PRKN: variants seen among roughly 807,000 people sequenced by gnomAD.
PRKN encodes E3 ubiquitin-protein ligase parkin.
In PRKN, 56 loss-of-function variants were observed where a neutral mutation model predicts 59.5. The observed-to-expected ratio is 0.94, with a 90% CI of 0.76 to 1.18. The LOEUF (loss-of-function observed/expected upper bound fraction) is 1.18. Ranked by LOEUF, PRKN falls within the 50% of genes most tolerant of loss-of-function variation. The pLI, the probability that PRKN is intolerant of heterozygous loss-of-function variation, is 0.00. For missense variants in PRKN, 657 were observed against 596.4 expected (o/e 1.10, Z -1.06); for synonymous variants, 250 against 222.1 (o/e 1.13, Z -1.12).
At chr6:162,522,752 T>C (rs1296994241) in intron 1 of PRKN, among the ~76,000 whole-genome samples, 2 of 149,328 alleles carry the variant, frequency 1.3e-5, no homozygotes, top group African/African-American at 5.0e-5. Context: ...TGTTACACAA[T>C]AAATAGTCCT....
At chr6:162,627,236 T>C (rs976437952) in intron 1 of PRKN, among the ~76,000 whole-genome samples, 9 of 152,290 alleles carry the variant, frequency 5.9e-5, no homozygotes, top group Non-Finnish European at 7.4e-5. Flanking sequence ...GAATCTACCA[T>C]ACATAATAGT....
At chr6:162,023,387 T>A (rs1043948815) in intron 5 of PRKN, among the ~76,000 whole-genome samples, 2 of 152,142 alleles carry the variant, frequency 1.3e-5, no homozygotes, top group African/African-American at 4.8e-5. Flanking sequence ...GTGCAAAGTT[T>A]TACTGAGTGG....
At chr6:161,804,526 G>C (rs948646619) in intron 6 of PRKN, among the ~76,000 whole-genome samples, 1 of 152,174 alleles carries the variant, frequency 6.6e-6, no homozygotes, top group Non-Finnish European at 1.5e-5. Flanking sequence ...CCCTCCACTG[G>C]TGAGGTTGGA....
chr6:162,390,263 TAATC>T (rs1490676676), intron 2 of PRKN, among the ~76,000 whole-genome samples: 2 of 151,682 alleles, frequency 1.3e-5, no homozygotes, highest in Admixed American at 1.3e-4. Context: ...AAAATAATAA[TAATC>T]AGTTTGTACC....
intron 7 of PRKN, among the ~76,000 whole-genome samples, chr6:161,771,894 CATT>C: frequency 6.6e-6 from 1 of 152,272 alleles, no homozygotes; most frequent in Middle Eastern, 3.4e-3. Context: ...CCTCTAAGCA[CATT>C]ATTAATTATT....
At chr6:162,613,107 A>C (rs539976172) in intron 1 of PRKN, among the ~76,000 whole-genome samples, 1 of 152,318 alleles carries the variant, frequency 6.6e-6, no homozygotes, top group Non-Finnish European at 1.5e-5. Flanking sequence ...AATAAAATGC[A>C]ATTTAGAAAT....
At chr6:161,936,439 G>C (rs550509971) in intron 6 of PRKN, among the ~76,000 whole-genome samples, 1 of 152,182 alleles carries the variant, frequency 6.6e-6, no homozygotes, top group South Asian at 2.1e-4. Context: ...TCCATCTCCT[G>C]ACCTCGTGAT....
rs567195982 is a variant in PRKN at position 161,719,044 on chromosome 6, T to C, written c.871+66728A>G. On this transcript the variant is annotated intron_variant, in intron 7 of 11. Coordinates refer to ENST00000366898, the MANE Select transcript of PRKN (RefSeq NM_004562.3). ...TACAAAGACTTTCTTATTTGCTCGC[T>C]GTTTAATTACTCAGCTTTTAAATGT... Among the ~76,000 whole-genome samples, 6 of 152,324 alleles carry C rather than the reference T, an allele frequency of 3.9e-5. No individual in the cohort carries two copies. The East Asian group carries it at 1.2e-3, about 29-fold the overall frequency.
intron 4 of PRKN, among the ~76,000 whole-genome samples, chr6:162,077,536 C>G (rs556893706): frequency 6.6e-6 from 1 of 151,992 alleles, no homozygotes; most frequent in African/African-American, 2.4e-5. Context: ...TGGAGGAGGT[C>G]TCTTATAAAT....
intron 7 of PRKN, among the ~76,000 whole-genome samples, chr6:161,764,502 T>C (rs938140873): frequency 6.6e-6 from 1 of 152,224 alleles, no homozygotes; most frequent in African/African-American, 2.4e-5. Context: ...CAGTTCCATA[T>C]ATTTCTCAAA....
At chr6:161,678,514 C>T (rs547965395) in intron 7 of PRKN, among the ~76,000 whole-genome samples, 2 of 150,262 alleles carry the variant, frequency 1.3e-5, no homozygotes, top group African/African-American at 4.9e-5. Flanking sequence ...TATATCAATT[C>T]TGGCATTTAT....
intron 4 of PRKN, among the ~76,000 whole-genome samples, chr6:162,196,332 T>A (rs1784497546): frequency 6.6e-6 from 1 of 152,208 alleles, no homozygotes; most frequent in African/African-American, 2.4e-5. Flanking sequence ...AAATTGGTGC[T>A]AGGGAAATAT....
intron 2 of PRKN, among the ~76,000 whole-genome samples, chr6:162,324,506 T>C (rs73783502): frequency 0.011 from 1,724 of 152,198 alleles, 36 homozygotes; most frequent in African/African-American, 0.039. Context: ...GTAAAGTAAA[T>C]GCATTAGAAT....
At chr6:161,728,613 A>G (rs1453052250) in intron 7 of PRKN, among the ~76,000 whole-genome samples, 1 of 152,282 alleles carries the variant, frequency 6.6e-6, no homozygotes, top group East Asian at 1.9e-4. Context: ...CAAACACAGG[A>G]AAAAAAGGAG....
intron 2 of PRKN, among the ~76,000 whole-genome samples, chr6:162,433,320 C>T: frequency 6.6e-6 from 1 of 152,108 alleles, no homozygotes; most frequent in East Asian, 1.9e-4. Flanking sequence ...ACTTGTCCTT[C>T]CCAGAGAGTC....
chr6:161,689,642 A>T (rs1487634370), intron 7 of PRKN, among the ~76,000 whole-genome samples: 1 of 152,200 alleles, frequency 6.6e-6, no homozygotes, highest in African/African-American at 2.4e-5. Context: ...TTTAGACATA[A>T]ACAGTTTTCA....
chr6:161,747,635 T>C (rs569537165), intron 7 of PRKN, among the ~76,000 whole-genome samples: 2 of 152,324 alleles, frequency 1.3e-5, no homozygotes, highest in South Asian at 2.1e-4. Context: ...AAGAGGTCCT[T>C]ACCGGATTAC....
intron 7 of PRKN, among the ~76,000 whole-genome samples, chr6:161,671,376 C>G (rs539869744): frequency 1.3e-5 from 2 of 152,278 alleles, no homozygotes; most frequent in South Asian, 4.2e-4. Context: ...CTCAGACCCC[C>G]CACTGCAACC....
At chr6:162,030,442 T>C (rs1783594663) in intron 5 of PRKN, among the ~76,000 whole-genome samples, 1 of 152,204 alleles carries the variant, frequency 6.6e-6, no homozygotes, top group Admixed American at 6.5e-5. Flanking sequence ...AATGTCACTG[T>C]AACATGTCAC....
Sources: gnomAD v4.1 joint callset for allele counts (sites outside exome capture counted in the v4.1 genomes callset) on GRCh38, gnomAD v4.1.1 for gene constraint, MANE v1.5 for transcripts, NCBI Gene and HGNC (gene_info 2026-07-23, HGNC 2026-07-21) for gene names.